ASRGL1: variants seen among roughly 807,000 people sequenced by gnomAD.
The protein encoded by ASRGL1 is isoaspartyl peptidase/L-asparaginase.
Under a neutral mutation model 22.4 loss-of-function variants are expected in ASRGL1, and 16 were observed. The ratio of observed to expected loss-of-function variants is 0.71; its 90% CI spans 0.48 to 1.08. ASRGL1 has a LOEUF of 1.08. Ranked by LOEUF, ASRGL1 falls within the 50% of genes least tolerant of loss-of-function variation. The pLI is 0.00. For missense variants in ASRGL1, 412 were observed against 410.1 expected, an observed-to-expected ratio of 1.00 and a Z score of -0.04; for synonymous variants, 165 against 159.3, an observed-to-expected ratio of 1.04 and a Z score of -0.27.
At chr11:62,374,930 C>A (rs1490406661) in intron 4 of ASRGL1, among the ~76,000 whole-genome samples, 2 of 152,170 alleles carry the variant, frequency 1.3e-5, no homozygotes, top group African/African-American at 4.8e-5. Context: ...GAACGCAGCC[C>A]AGGCACCTGT....
chr11:62,345,298 G>GT (rs1481947633), intron 2 of ASRGL1, among the ~76,000 whole-genome samples: 1 of 151,836 alleles, frequency 6.6e-6, no homozygotes, highest in African/African-American at 2.4e-5. Context: ...GTTGTTTTTT[G>GT]TTTTTTGCTT....
chr11:62,351,942 AGAT>A (rs1485167694), intron 2 of ASRGL1, among the ~76,000 whole-genome samples: 4 of 152,248 alleles, frequency 2.6e-5, no homozygotes, highest in African/African-American at 9.6e-5. Context: ...CAAAGTGCTG[AGAT>A]TACAGGCATG....
Position 62,374,278 on chromosome 11 carries a change from G to A in ASRGL1, c.492-14855G>A, listed in dbSNP as rs183839072. Among the ~76,000 whole-genome samples, 142 of 152,254 alleles carry A rather than the reference G, an allele frequency of 9.3e-4. 1 individual carries two copies. Among genetic ancestry groups the A allele is most frequent in the South Asian group, 2.1e-4 (1 of 4,826 alleles). ...TGCCGTGACTGCCACCCGTGTCCCC[G>A]TCAAGTGCCCGTGCCCAAGCTAGCC... On this transcript the variant is annotated intron_variant, in intron 4 of 6. Transcript: ENST00000415229.
In ASRGL1 at chr11:62,375,468, ATATATATATATATT is replaced by A. The variant is rs1447595000; in HGVS notation, c.492-13663_492-13650del. Among the ~76,000 whole-genome samples the A allele has an allele frequency of 7.5e-3, 657 of 88,038 alleles. 10 individuals are homozygous for A. Among genetic ancestry groups the A allele is most frequent in the East Asian group, 0.015 (39 of 2,606 alleles). The allele number at this position is 88,038 out of a possible 152,430, so 57.8% of individuals were successfully genotyped here. ...TATATATATATATATATATATATAT[ATATATATATATATT>A]TCTTGGAGTAAACATTTTAAATAAA... On this transcript the variant is annotated intron_variant, in intron 4 of 6. Transcript: ENST00000415229.
chr11:62,372,541 C>A (rs569809206), intron 4 of ASRGL1: 2 of 936,156 alleles, frequency 2.1e-6, no homozygotes, highest in Non-Finnish European at 1.8e-6. Flanking sequence ...AGTTCCCCAG[C>A]GAGTGGCCAT....
chr11:62,349,510 C>T lies in ASRGL1; in HGVS notation c.191-6815C>T, dbSNP rs113013524. ...CAGGGGTCCCACATCCAATTCCCCA[C>T]GGATACTGAGGGACAGCTCTATGTG... On this transcript the variant is annotated intron_variant, in intron 2 of 6. Coordinates refer to ENST00000415229, the MANE Select transcript of ASRGL1 (RefSeq NM_001083926.2). Among the ~76,000 whole-genome samples the T allele has an allele frequency of 5.1e-3, 777 of 152,280 alleles. 2 individuals are homozygous for T. Among genetic ancestry groups the T allele is most frequent in the African/African-American group, 0.015 (615 of 41,554 alleles).
chr11:62,392,580 A>G lies in ASRGL1; in HGVS notation c.*296A>G. 2.4e-6 allele frequency: 1 copy of G among 409,984 alleles called. No individual in the cohort carries two copies. The allele number at this position is 409,984 out of a possible 1,614,324, so 25.4% of individuals were successfully genotyped here. A position where few individuals can be genotyped will look rare whatever the true frequency, so the allele number is the denominator to read the frequency against. On this transcript the variant is annotated 3_prime_UTR_variant, in exon 7 of 7. Coordinates refer to ENST00000415229, the MANE Select transcript of ASRGL1 (RefSeq NM_001083926.2). ...CCAGGCCCTGTATCAAAAAAAAAAAAAAAAAGAAAAGGGAAAAAAGAAAGA... is the reference window on the plus strand; with the variant it reads ...CCAGGCCCTGTATCAAAAAAAAAAAGAAAAAGAAAAGGGAAAAAAGAAAGA...
intron 4 of ASRGL1, chr11:62,373,020 TC>T: frequency 7.2e-7 from 1 of 1,379,788 alleles, no homozygotes; most frequent in Non-Finnish European, 1.0e-6. Context: ...GCCCAAGTCT[TC>T]CACTGCAGCC....
At chr11:62,345,798 A>C in intron 2 of ASRGL1, among the ~76,000 whole-genome samples, 1 of 152,208 alleles carries the variant, frequency 6.6e-6, no homozygotes. Context: ...CATGGAAGAC[A>C]GTGTTTCCAC....
At chr11:62,399,628 G>C in the ASRGL1 span, among the ~76,000 whole-genome samples, 2 of 152,194 alleles carry the variant, frequency 1.3e-5, no homozygotes, top group African/African-American at 4.8e-5. Flanking sequence ...AGCGGGCTCA[G>C]ATGGGGAAGG....
At chr11:62,379,402 C>T (rs1947009888) in intron 4 of ASRGL1, among the ~76,000 whole-genome samples, 1 of 152,180 alleles carries the variant, frequency 6.6e-6, no homozygotes, top group Non-Finnish European at 1.5e-5. Context: ...TGCTTCCAAA[C>T]CCTCCTTTCT....
At chr11:62,366,674 T>A (rs75405585) in intron 4 of ASRGL1, among the ~76,000 whole-genome samples, 60 of 152,064 alleles carry the variant, frequency 3.9e-4, no homozygotes, top group South Asian at 3.9e-3. Flanking sequence ...TTTCTTTTAC[T>A]TTTTTAACAT....
At chr11:62,381,321 T>C (rs1454005266) in intron 4 of ASRGL1, among the ~76,000 whole-genome samples, 2 of 152,180 alleles carry the variant, frequency 1.3e-5, no homozygotes, top group Non-Finnish European at 2.9e-5. Context: ...TCAGGATATA[T>C]TACCTCCTGT....
At chr11:62,342,382 A>G (rs1055538010) in intron 2 of ASRGL1, among the ~76,000 whole-genome samples, 6 of 152,224 alleles carry the variant, frequency 3.9e-5, no homozygotes, top group African/African-American at 9.7e-5. Flanking sequence ...GCTAGCAGAT[A>G]TTTAAGAATG....
At chr11:62,344,543 C>A (rs1945961683) in intron 2 of ASRGL1, among the ~76,000 whole-genome samples, 1 of 149,238 alleles carries the variant, frequency 6.7e-6, no homozygotes, top group South Asian at 2.1e-4. Flanking sequence ...CTGTGATTCA[C>A]TTTGAATAAA....
In ASRGL1 at chr11:62,371,070, G is replaced by A. The variant is rs11823982; in HGVS notation, c.491+13926G>A. On this transcript the variant is annotated intron_variant, in intron 4 of 6. Transcript: ENST00000415229. The stretch of plus-strand genomic sequence containing the variant: ...GAAAAAAAAAAAAGCCCTCCGATCC[G>A]TCTTTTAGTTGCTTCTCTTCCTTTT... 3.9e-3 allele frequency: 2,147 copies of A among 550,984 alleles called. 39 individuals carry two copies. Among genetic ancestry groups the A allele is most frequent in the African/African-American group, 0.031 (1,546 of 49,952 alleles). 34.1% of individuals were successfully genotyped at this position (550,984 alleles called of 1,614,324 possible). A position where few individuals can be genotyped will look rare whatever the true frequency, so the allele number is the denominator to read the frequency against.
chr11:62,348,231 C>T (rs1036817668), intron 2 of ASRGL1, among the ~76,000 whole-genome samples: 14 of 152,210 alleles, frequency 9.2e-5, no homozygotes, highest in African/African-American at 2.9e-4. Flanking sequence ...AAATAAAGAT[C>T]GTGGCATTGT....
chr11:62,341,011 A>G (rs1002104683), intron 2 of ASRGL1, among the ~76,000 whole-genome samples: 17 of 152,144 alleles, frequency 1.1e-4, no homozygotes, highest in African/African-American at 4.1e-4. Flanking sequence ...TGATTTTTAG[A>G]TACCAACACT....
At chr11:62,380,715 A>G (rs974012118) in intron 4 of ASRGL1, among the ~76,000 whole-genome samples, 27 of 152,134 alleles carry the variant, frequency 1.8e-4, no homozygotes, top group African/African-American at 5.6e-4. Context: ...ATGTTCTCAT[A>G]TAAGGGGAGT....
Sources: gnomAD v4.1 joint callset for allele counts (sites outside exome capture counted in the v4.1 genomes callset) on GRCh38, gnomAD v4.1.1 for gene constraint, MANE v1.5 for transcripts, NCBI Gene and HGNC (gene_info 2026-07-23, HGNC 2026-07-21) for gene names.